Variants in C3orf80 observed in about 807,000 individuals in gnomAD.
C3orf80 encodes chromosome 3 open reading frame 80, also known as uncharacterized membrane protein C3orf80.
Under a neutral mutation model 15.8 loss-of-function variants are expected in C3orf80, and 10 were observed. That is an observed-to-expected ratio of 0.63 (90% CI 0.39 to 1.07). The LOEUF is 1.07. C3orf80 is among the 50% of genes least tolerant of loss of function. The pLI is 0.01. For missense variants in C3orf80, 364 were observed against 379.3 expected (o/e 0.96, Z 0.34); for synonymous variants, 183 against 192.0 (o/e 0.95, Z 0.39).
chr3:160,227,471 T>G lies in C3orf80; in HGVS notation c.*1092T>G, dbSNP rs1440772578. Reference sequence around the variant, plus strand: ...ATGCATTATGTAGTATAGCTTTTAATTGTATCATTCATCACAGTTATATGT... The same window carrying G: ...ATGCATTATGTAGTATAGCTTTTAAGTGTATCATTCATCACAGTTATATGT... On this transcript the variant is annotated 3_prime_UTR_variant, in exon 1 of 1. Transcript: ENST00000326474. The G allele has an allele frequency of 6.6e-6, 1 of 152,258 alleles. No homozygotes were observed. The highest frequency in any genetic ancestry group is 1.5e-5 in the Non-Finnish European group (1 of 68,040). 9.4% of individuals were successfully genotyped at this position (152,258 alleles called of 1,614,324 possible).
rs1363268852 is a variant in C3orf80 at position 160,228,052 on chromosome 3, A to G, written c.*1673A>G. On this transcript the variant is annotated 3_prime_UTR_variant, in exon 1 of 1. Transcript: ENST00000326474. The stretch of plus-strand genomic sequence containing the variant: ...ATTAAATTTTTAAAGGCTGGTTGAA[A>G]AAGTCTGACAGTTCTGAGAATTTTT... 1 of 152,176 alleles carries G rather than the reference A, an allele frequency of 6.6e-6. No homozygotes were observed. The highest frequency in any genetic ancestry group is 1.5e-5 in the Non-Finnish European group (1 of 68,000). 9.4% of individuals were successfully genotyped at this position (152,176 alleles called of 1,614,324 possible).
At position 160,226,310 on chromosome 3, in the gene C3orf80, G is replaced by T; in HGVS notation, c.675G>T (p.Val225=). ...SPGEVVLPVS[V]LGRPRGGVAA... ...GGGAGGTCGTGCTGCCAGTGTCGGT[G>T]CTTGGCCGCCCTCGAGGCGGGGTCG... Residue 225 remains valine (V), a synonymous_variant, in exon 1 of 1, where the codon GTG becomes GTT. Transcript: ENST00000326474. The surrounding 1 kb of genome is among the most constrained non-coding windows in gnomAD (Gnocchi z 5.2). 2.6e-6 allele frequency: 4 copies of T among 1,512,168 alleles called. No individual in the cohort carries two copies. Among genetic ancestry groups the T allele is most frequent in the Non-Finnish European group, 3.5e-6 (4 of 1,135,616 alleles). 93.7% of individuals were successfully genotyped at this position (1,512,168 alleles called of 1,614,324 possible). A position where few individuals can be genotyped will look rare whatever the true frequency, so the allele number is the denominator to read the frequency against.
Position 160,225,499 on chromosome 3 carries a change from C to A in C3orf80, c.-137C>A. ...CAAGCGTGGCCAAGTGAGGACTGCT[C>A]CGGCCGCAGGTAGCTGAGGCGCGGG... On this transcript the variant is annotated 5_prime_UTR_variant, in exon 1 of 1. Coordinates refer to ENST00000326474, the MANE Select transcript of C3orf80 (RefSeq NM_001168214.2). This position sits in a 1 kb window ranked among gnomAD's most constrained non-coding sequence, Gnocchi z 5.6. 1.2e-6 allele frequency: 1 copy of A among 867,418 alleles called. No individual in the cohort carries two copies. Among genetic ancestry groups the A allele is most frequent in the Non-Finnish European group, 1.5e-6 (1 of 656,092 alleles). 53.7% of individuals were successfully genotyped at this position (867,418 alleles called of 1,614,324 possible).
Position 160,225,506 on chromosome 3 carries a change from C to A in C3orf80, c.-130C>A. The A allele has an allele frequency of 1.1e-6, 1 of 905,398 alleles. No homozygotes were observed. Among genetic ancestry groups the A allele is most frequent in the Non-Finnish European group, 1.4e-6 (1 of 690,678 alleles). The allele number at this position is 905,398 out of a possible 1,614,324, so 56.1% of individuals were successfully genotyped here. The stretch of plus-strand genomic sequence containing the variant: ...GGCCAAGTGAGGACTGCTCCGGCCG[C>A]AGGTAGCTGAGGCGCGGGAGGCGGC... On this transcript the variant is annotated 5_prime_UTR_variant, in exon 1 of 1. Coordinates refer to ENST00000326474, the MANE Select transcript of C3orf80 (RefSeq NM_001168214.2). The surrounding 1 kb of genome is among the most constrained non-coding windows in gnomAD (Gnocchi z 5.6).
Position 160,226,176 on chromosome 3 carries a change from C to A in C3orf80, c.541C>A (p.His181Asn). Residue 181 changes from histidine (H) to asparagine (N), a missense_variant, in exon 1 of 1, where the codon CAC (histidine) becomes AAC (asparagine). By Grantham distance (68) the His-to-Asn change is moderately conservative. Coordinates refer to ENST00000326474, the MANE Select transcript of C3orf80 (RefSeq NM_001168214.2). This position sits in a 1 kb window ranked among gnomAD's most constrained non-coding sequence, Gnocchi z 5.2. Reference sequence around the variant, plus strand: ...CTCGGACCCCTCCTGCGCCTCAGAGCACGAGATGCGTGTAGTGTCGCCGGT... The same window carrying A: ...CTCGGACCCCTCCTGCGCCTCAGAGAACGAGATGCGTGTAGTGTCGCCGGT... ...GRSDPSCASE[H>N]EMRVVSPVFL... is the part of the protein sequence containing the mutation. 6.5e-7 allele frequency: 1 copy of A among 1,529,762 alleles called. No homozygotes were observed. Among genetic ancestry groups the A allele is most frequent in the Non-Finnish European group, 8.7e-7 (1 of 1,144,362 alleles). The allele number at this position is 1,529,762 out of a possible 1,614,324, so 94.8% of individuals were successfully genotyped here.
rs1400358386 is a variant in C3orf80, at chr3:160,225,710, ACTGCTGGCGCTGGCG to A, written c.79_93del (p.Leu27_Leu31del). The A allele has an allele frequency of 3.6e-6, 5 of 1,380,476 alleles. No individual in the cohort carries two copies. The highest frequency in any genetic ancestry group is 1.7e-5 in the South Asian group (1 of 59,326). The allele number at this position is 1,380,476 out of a possible 1,614,324, so 85.5% of individuals were successfully genotyped here. A position where few individuals can be genotyped will look rare whatever the true frequency, so the allele number is the denominator to read the frequency against. ...CGCCGCCTCTGCTGCCGCTGCTGCT[ACTGCTGGCGCTGGCG>A]CTGGTGGCGCCCTCGCGGGGCGGCG... On this transcript the variant is annotated inframe_deletion, in exon 1 of 1. Coordinates refer to ENST00000326474, the MANE Select transcript of C3orf80 (RefSeq NM_001168214.2). The surrounding 1 kb of genome is among the most constrained non-coding windows in gnomAD (Gnocchi z 5.6).
chr3:160,227,140 C>G lies in C3orf80; in HGVS notation c.*761C>G, dbSNP rs901335167. 3 of 151,976 alleles carry G rather than the reference C, an allele frequency of 2.0e-5. No homozygotes were observed. Among genetic ancestry groups the G allele is most frequent in the Non-Finnish European group, 4.4e-5 (3 of 67,942 alleles). The allele number at this position is 151,976 out of a possible 1,614,324, so 9.4% of individuals were successfully genotyped here. On this transcript the variant is annotated 3_prime_UTR_variant, in exon 1 of 1. Transcript: ENST00000326474. Reference sequence around the variant, plus strand: ...TGAGGAGGTATTTATATTTATTTGTCTTTTATTCTAATATTTTTACCATGC... The same window carrying G: ...TGAGGAGGTATTTATATTTATTTGTGTTTTATTCTAATATTTTTACCATGC...
chr3:160,226,003 CGGGGGGCGCCGGACCGCT>C lies in C3orf80; in HGVS notation c.378_395del (p.Leu129_Pro134del), dbSNP rs965056928. The C allele has an allele frequency of 1.8e-4, 243 of 1,316,236 alleles. No individual in the cohort carries two copies. The highest frequency in any genetic ancestry group is 2.2e-4 in the Non-Finnish European group (228 of 1,039,166). 81.5% of individuals were successfully genotyped at this position (1,316,236 alleles called of 1,614,324 possible). ...CGCCCGGGACAGCGGCCCGGGCCTC[CGGGGGGCGCCGGACCGCT>C]GGGGGGCGCGGGGCCGCCCGACGAC... On this transcript the variant is annotated inframe_deletion, in exon 1 of 1. Transcript: ENST00000326474. This position sits in a 1 kb window ranked among gnomAD's most constrained non-coding sequence, Gnocchi z 5.2.
At position 160,225,502 on chromosome 3, in the gene C3orf80, G is replaced by C. The variant is rs1725644922; in HGVS notation, c.-134G>C. On this transcript the variant is annotated 5_prime_UTR_variant, in exon 1 of 1. Transcript: ENST00000326474. The surrounding 1 kb of genome is among the most constrained non-coding windows in gnomAD (Gnocchi z 5.6). ...GCGTGGCCAAGTGAGGACTGCTCCGGCCGCAGGTAGCTGAGGCGCGGGAGG... is the reference window on the plus strand; with the variant it reads ...GCGTGGCCAAGTGAGGACTGCTCCGCCCGCAGGTAGCTGAGGCGCGGGAGG... 1 of 880,240 alleles carries C rather than the reference G, an allele frequency of 1.1e-6. No homozygotes were observed. Among genetic ancestry groups the C allele is most frequent in the African/African-American group, 1.8e-5 (1 of 56,632 alleles). 54.5% of individuals were successfully genotyped at this position (880,240 alleles called of 1,614,324 possible).
chr3:160,225,580 G>T lies in C3orf80; in HGVS notation c.-56G>T. ...CCGGGGAGGGGCCGACGGACGCGAG[G>T]GCGGACGGACTCCCCAGCCTCCCGT... is the stretch of plus-strand genomic sequence containing the variant. On this transcript the variant is annotated 5_prime_UTR_variant, in exon 1 of 1. Transcript: ENST00000326474. This position sits in a 1 kb window ranked among gnomAD's most constrained non-coding sequence, Gnocchi z 5.6. 1 of 1,263,494 alleles carries T rather than the reference G, an allele frequency of 7.9e-7. No individual in the cohort carries two copies. The highest frequency in any genetic ancestry group is 9.9e-7 in the Non-Finnish European group (1 of 1,008,044). 78.3% of individuals were successfully genotyped at this position (1,263,494 alleles called of 1,614,324 possible). A position where few individuals can be genotyped will look rare whatever the true frequency, so the allele number is the denominator to read the frequency against.
At position 160,227,392 on chromosome 3, in the gene C3orf80, T is replaced by C. The variant is rs1711505017; in HGVS notation, c.*1013T>C. ...TTATTTTCACTATTTGAGAAGAATA[T>C]ATTTTATTTTTAGTACTGTGGCATA... On this transcript the variant is annotated 3_prime_UTR_variant, in exon 1 of 1. Transcript: ENST00000326474. 1 of 152,208 alleles carries C rather than the reference T, an allele frequency of 6.6e-6. No homozygotes were observed. The highest frequency in any genetic ancestry group is 2.4e-5 in the African/African-American group (1 of 41,458). The allele number at this position is 152,208 out of a possible 1,614,324, so 9.4% of individuals were successfully genotyped here. A position where few individuals can be genotyped will look rare whatever the true frequency, so the allele number is the denominator to read the frequency against.
rs1281165896 is a variant in C3orf80 at position 160,225,803 on chromosome 3, C to A, written c.168C>A (p.Thr56=). ...AGCGGGAGCGCTGCTGCGACGCGACCAACGCCACGGCGGTGCGCTGCTGCA... is the reference window on the plus strand; with the variant it reads ...AGCGGGAGCGCTGCTGCGACGCGACAAACGCCACGGCGGTGCGCTGCTGCA... ...CGERERCCDA[T]NATAVRCCKL... The change falls in exon 1 of 1, where the codon ACC becomes ACA. Residue 56 remains threonine (T), a synonymous_variant. Coordinates refer to ENST00000326474, the MANE Select transcript of C3orf80 (RefSeq NM_001168214.2). The surrounding 1 kb of genome is among the most constrained non-coding windows in gnomAD (Gnocchi z 5.6). 2.7e-6 allele frequency: 4 copies of A among 1,472,650 alleles called. No homozygotes were observed. The African/African-American group carries it at 4.4e-5, about 16-fold the overall frequency. The allele number at this position is 1,472,650 out of a possible 1,614,324, so 91.2% of individuals were successfully genotyped here.
At position 160,227,423 on chromosome 3, in the gene C3orf80, T is replaced by A. The variant is rs1711505220; in HGVS notation, c.*1044T>A. 1 of 152,174 alleles carries A rather than the reference T, an allele frequency of 6.6e-6. No individual in the cohort carries two copies. The highest frequency in any genetic ancestry group is 1.5e-5 in the Non-Finnish European group (1 of 68,040). 9.4% of individuals were successfully genotyped at this position (152,174 alleles called of 1,614,324 possible). A position where few individuals can be genotyped will look rare whatever the true frequency, so the allele number is the denominator to read the frequency against. On this transcript the variant is annotated 3_prime_UTR_variant, in exon 1 of 1. Transcript: ENST00000326474. ...ATTTTTAGTACTGTGGCATAATATA[T>A]AACTTTTTATAATAATAACTGTATG...
In C3orf80 at chr3:160,226,198, CGGTCT is replaced by C; in HGVS notation, c.564_568del (p.Val189ProfsTer94). On this transcript the variant is annotated frameshift_variant, in exon 1 of 1. Transcript: ENST00000326474. LOFTEE classifies it high-confidence loss of function. The surrounding 1 kb of genome is among the most constrained non-coding windows in gnomAD (Gnocchi z 5.2). Reference sequence around the variant, plus strand: ...GAGCACGAGATGCGTGTAGTGTCGCCGGTCTTCCTGCAGCTGCCCAGCTACGAGGA... The same window carrying C: ...GAGCACGAGATGCGTGTAGTGTCGCCTCCTGCAGCTGCCCAGCTACGAGGA... 6.5e-7 allele frequency: 1 copy of C among 1,530,680 alleles called. No homozygotes were observed. Among genetic ancestry groups the C allele is most frequent in the Non-Finnish European group, 8.7e-7 (1 of 1,144,596 alleles). The allele number at this position is 1,530,680 out of a possible 1,614,324, so 94.8% of individuals were successfully genotyped here.
rs1296529111 is a variant in C3orf80, at chr3:160,225,927, C to T, written c.292C>T (p.Leu98=). 6.8e-7 allele frequency: 1 copy of T among 1,464,626 alleles called. No homozygotes were observed. Among genetic ancestry groups the T allele is most frequent in the East Asian group, 3.0e-5 (1 of 32,878 alleles). The allele number at this position is 1,464,626 out of a possible 1,614,324, so 90.7% of individuals were successfully genotyped here. The change falls in exon 1 of 1, where the codon CTG becomes TTG. Residue 98 remains leucine, a synonymous_variant. Transcript: ENST00000326474. This position sits in a 1 kb window ranked among gnomAD's most constrained non-coding sequence, Gnocchi z 5.6. ...GGTGCTCTTCGCCATCGGCTATTTC[C>T]TGCAGCGCATCATCTGCCCCAGTCC... The part of the protein sequence containing the change: ...LLVLFAIGYF[L]QRIICPSPRR...
rs1365598540 is a variant in C3orf80, at chr3:160,225,718, C to A, written c.83C>A (p.Ala28Glu). 17 of 1,370,430 alleles carry A rather than the reference C, an allele frequency of 1.2e-5. No individual in the cohort carries two copies. Among genetic ancestry groups the A allele is most frequent in the Non-Finnish European group, 1.6e-5 (17 of 1,070,318 alleles). The allele number at this position is 1,370,430 out of a possible 1,614,324, so 84.9% of individuals were successfully genotyped here. Residue 28 changes from alanine to glutamate, a missense_variant, in exon 1 of 1, where the codon GCG becomes GAG. Coordinates refer to ENST00000326474, the MANE Select transcript of C3orf80 (RefSeq NM_001168214.2). The surrounding 1 kb of genome is among the most constrained non-coding windows in gnomAD (Gnocchi z 5.6). ...CTGCTGCCGCTGCTGCTACTGCTGG[C>A]GCTGGCGCTGGTGGCGCCCTCGCGG... ...PPLLPLLLLL[A>E]LALVAPSRGG... is the part of the protein sequence containing the mutation.
Position 160,225,690 on chromosome 3 carries a change from C to A in C3orf80, c.55C>A (p.Pro19Thr). ...EGLSVAPAPP[P>T]LLPLLLLLAL... ...CCTGTCGGTGGCTCCGGCGCCGCCG[C>A]CTCTGCTGCCGCTGCTGCTACTGCT... Residue 19 changes from proline (P) to threonine (T), a missense_variant, in exon 1 of 1, where the codon CCT becomes ACT. Transcript: ENST00000326474. The surrounding 1 kb of genome is among the most constrained non-coding windows in gnomAD (Gnocchi z 5.6). 7.2e-7 allele frequency: 1 copy of A among 1,394,672 alleles called. No individual in the cohort carries two copies. Among genetic ancestry groups the A allele is most frequent in the Non-Finnish European group, 9.3e-7 (1 of 1,079,784 alleles). 86.4% of individuals were successfully genotyped at this position (1,394,672 alleles called of 1,614,324 possible).
In C3orf80 at chr3:160,226,105, T is replaced by G; in HGVS notation, c.470T>G (p.Leu157Arg). The G allele has an allele frequency of 2.6e-6, 4 of 1,516,096 alleles. No homozygotes were observed. Among genetic ancestry groups the G allele is most frequent in the Non-Finnish European group, 3.5e-6 (4 of 1,138,768 alleles). The allele number at this position is 1,516,096 out of a possible 1,614,324, so 93.9% of individuals were successfully genotyped here. A position where few individuals can be genotyped will look rare whatever the true frequency, so the allele number is the denominator to read the frequency against. Residue 157 changes from leucine (L) to arginine (R), a missense_variant, in exon 1 of 1, where the codon CTG (leucine) becomes CGG (arginine). By Grantham distance (102) the Leu-to-Arg change is moderately radical. Coordinates refer to ENST00000326474, the MANE Select transcript of C3orf80 (RefSeq NM_001168214.2). This position sits in a 1 kb window ranked among gnomAD's most constrained non-coding sequence, Gnocchi z 5.2. ...GCGGCAGCCGGCTCTCAGGACTCAC[T>G]GCTGGACAGTGGCGGCGGCGGCCGG... ...DEAAAGSQDSLLDSGGGGRGR... is the reference protein window; with the variant it reads ...DEAAAGSQDSRLDSGGGGRGR...
chr3:160,225,586 C>CAA lies in C3orf80; in HGVS notation c.-50_-49insAA, dbSNP rs1725648813. ...AGGGGCCGACGGACGCGAGGGCGGA[C>CAA]GGACTCCCCAGCCTCCCGTCCCGGA... On this transcript the variant is annotated 5_prime_UTR_variant, in exon 1 of 1. Transcript: ENST00000326474. The surrounding 1 kb of genome is among the most constrained non-coding windows in gnomAD (Gnocchi z 5.6). The CAA allele has an allele frequency of 7.9e-7, 1 of 1,265,034 alleles. No homozygotes were observed. Among genetic ancestry groups the CAA allele is most frequent in the Non-Finnish European group, 9.9e-7 (1 of 1,008,830 alleles). The allele number at this position is 1,265,034 out of a possible 1,614,324, so 78.4% of individuals were successfully genotyped here.
Sources: gnomAD v4.1 joint callset for allele counts on GRCh38, gnomAD v4.1.1 for gene constraint, Gnocchi (gnomAD v3.1) non-coding constraint, MANE v1.5 for transcripts, NCBI Gene and HGNC (gene_info 2026-07-23, HGNC 2026-07-21) for gene names.